The following IL1RAPL1 variants were observed in gnomAD, a reference collection of about 807,000 sequenced individuals.
IL1RAPL1 encodes the protein interleukin 1 receptor accessory protein like 1, also known as interleukin-1 receptor accessory protein-like 1.
A neutral mutation model predicts 48.4 loss-of-function variants in IL1RAPL1; 3 were observed. That is an observed-to-expected ratio of 0.06 (90% confidence interval 0.03 to 0.16). IL1RAPL1 has a LOEUF of 0.16. Among genes scored for constraint, IL1RAPL1 ranks in the 10% least tolerant of loss-of-function variants. The pLI is 1.00. For synonymous variants in IL1RAPL1, 185 were observed against 187.7 expected (o/e 0.99, Z 0.12); for missense variants, 349 against 530.6 (o/e 0.66, Z 3.36).
At chrX:29,705,422 C>T (rs781335916) in intron 6 of IL1RAPL1, among the ~76,000 whole-genome samples, 1 of 111,823 alleles carries the variant, frequency 8.9e-6, no homozygotes, top group South Asian at 3.8e-4. Context: ...ACCATGTTGG[C>T]CAGGCTGGCC....
At chrX:28,966,099 G>A (rs1236406002) in intron 2 of IL1RAPL1, among the ~76,000 whole-genome samples, 1 of 111,528 alleles carries the variant, frequency 9.0e-6, no homozygotes, top group East Asian at 2.8e-4. Flanking sequence ...CCAATTTAGA[G>A]CAAAACAGAA....
intron 6 of IL1RAPL1, among the ~76,000 whole-genome samples, chrX:29,810,418 T>C (rs752972019): frequency 9.0e-6 from 1 of 110,950 alleles, no homozygotes; most frequent in Non-Finnish European, 1.9e-5. Context: ...CTCGAACTCC[T>C]GACCTCGTGA....
chrX:29,247,296 G>A (rs996595649), intron 2 of IL1RAPL1, among the ~76,000 whole-genome samples: 5 of 111,508 alleles, frequency 4.5e-5, no homozygotes, highest in Non-Finnish European at 9.4e-5. Context: ...GTTTTTTATT[G>A]GATACATGTG....
At chrX:29,261,064 A>G (rs1931850046) in intron 2 of IL1RAPL1, among the ~76,000 whole-genome samples, 1 of 109,357 alleles carries the variant, frequency 9.1e-6, no homozygotes, top group Non-Finnish European at 1.9e-5. Context: ...CCTTGCTTTT[A>G]TAGATATTAT....
In IL1RAPL1 at chrX:29,335,193, A is replaced by G. The variant is rs746943199; in HGVS notation, c.362+51976A>G. On this transcript the variant is annotated intron_variant, in intron 3 of 10. Transcript: ENST00000378993. ...CAGGAGAATCAGGCAGGGAGGTTGCAGTGAGCCGAGATGGCAGCAGTACCG... is the reference window on the plus strand; with the variant it reads ...CAGGAGAATCAGGCAGGGAGGTTGCGGTGAGCCGAGATGGCAGCAGTACCG... Among the ~76,000 whole-genome samples the G allele has an allele frequency of 9.5e-5, 10 of 105,785 alleles. No individual in the cohort carries two copies. In the South Asian group the frequency reaches 4.4e-3, roughly 46 times the overall value. The allele number at this position is 105,785 out of a possible 115,157, so 91.9% of individuals were successfully genotyped here.
At chrX:29,919,335 T>C (rs1230032509) in intron 7 of IL1RAPL1, among the ~76,000 whole-genome samples, 1 of 112,285 alleles carries the variant, frequency 8.9e-6, no homozygotes, top group Non-Finnish European at 1.9e-5. Context: ...AGAAAGGTAG[T>C]TTAATTCTGC....
At chrX:29,648,925 AAG>A (rs1275305518) in intron 5 of IL1RAPL1, among the ~76,000 whole-genome samples, 3 of 111,799 alleles carry the variant, frequency 2.7e-5, no homozygotes, top group African/African-American at 6.5e-5. Flanking sequence ...GAGATGAAGA[AAG>A]AGACATTACA....
intron 6 of IL1RAPL1, among the ~76,000 whole-genome samples, chrX:29,885,376 A>G (rs181949220): frequency 8.1e-5 from 9 of 111,492 alleles, no homozygotes; most frequent in South Asian, 3.8e-4. Flanking sequence ...CTGTCTGTCT[A>G]CCCCTTATCA....
chrX:28,714,367 G>T (rs1935478399), intron 1 of IL1RAPL1, among the ~76,000 whole-genome samples: 1 of 111,761 alleles, frequency 8.9e-6, no homozygotes, highest in Non-Finnish European at 1.9e-5. Context: ...AACAGAAGTA[G>T]TCTATCCCCA....
intron 2 of IL1RAPL1, among the ~76,000 whole-genome samples, chrX:29,197,834 G>A (rs912535577): frequency 1.4e-4 from 15 of 107,609 alleles, no homozygotes; most frequent in Non-Finnish European, 2.9e-4. Flanking sequence ...TCAGCCTCCC[G>A]AGTAGCTGGG....
intron 2 of IL1RAPL1, among the ~76,000 whole-genome samples, chrX:28,825,150 T>C (rs1359432038): frequency 8.9e-6 from 1 of 111,981 alleles, no homozygotes; most frequent in Non-Finnish European, 1.9e-5. Flanking sequence ...AGCTCCTTAA[T>C]GGTATTAAAA....
intron 3 of IL1RAPL1, among the ~76,000 whole-genome samples, chrX:29,345,482 G>T (rs1933138945): frequency 9.0e-6 from 1 of 111,562 alleles, no homozygotes; most frequent in Non-Finnish European, 1.9e-5. Flanking sequence ...GTATTGGTTT[G>T]TTTTATTTTT....
At chrX:29,261,558 C>T (rs936584126) in intron 2 of IL1RAPL1, among the ~76,000 whole-genome samples, 10 of 110,812 alleles carry the variant, frequency 9.0e-5, no homozygotes, top group African/African-American at 3.3e-4. Flanking sequence ...TGCCGTTATA[C>T]GCTATCATGT....
chrX:28,730,983 C>G (rs753074843), intron 1 of IL1RAPL1, among the ~76,000 whole-genome samples: 1 of 111,082 alleles, frequency 9.0e-6, no homozygotes, highest in African/African-American at 3.3e-5. Flanking sequence ...AAAATGACAA[C>G]AAGTAGGAAG....
At chrX:29,468,689 T>A (rs1348099623) in intron 5 of IL1RAPL1, among the ~76,000 whole-genome samples, 3 of 112,021 alleles carry the variant, frequency 2.7e-5, no homozygotes, top group African/African-American at 9.7e-5. Flanking sequence ...GGGTGACTTT[T>A]AAAAAATCAA....
intron 5 of IL1RAPL1, among the ~76,000 whole-genome samples, chrX:29,413,212 AT>A (rs1377405247): frequency 8.9e-6 from 1 of 111,813 alleles, no homozygotes; most frequent in Non-Finnish European, 1.9e-5. Flanking sequence ...ATCTTCTGCC[AT>A]GATTTCCCAG....
At chrX:29,399,794 G>A (rs1034173007) in intron 5 of IL1RAPL1, among the ~76,000 whole-genome samples, 1 of 107,056 alleles carries the variant, frequency 9.3e-6, no homozygotes, top group Non-Finnish European at 1.9e-5. Flanking sequence ...ACTCCAGCCT[G>A]GGGGACAAGA....
At chrX:28,730,676 G>T (rs956426188) in intron 1 of IL1RAPL1, among the ~76,000 whole-genome samples, 2 of 111,818 alleles carry the variant, frequency 1.8e-5, no homozygotes, top group African/African-American at 6.5e-5. Flanking sequence ...TTACATTCAT[G>T]CATTAACTTG....
chrX:29,168,378 A>G (rs1239800549), intron 2 of IL1RAPL1, among the ~76,000 whole-genome samples: 1 of 106,137 alleles, frequency 9.4e-6, no homozygotes, highest in Non-Finnish European at 1.9e-5. Flanking sequence ...GCTAACTACT[A>G]TTCTACTCTC....
Sources: allele counts gnomAD v4.1 joint callset (sites outside exome capture counted in the v4.1 genomes callset), GRCh38; gene constraint gnomAD v4.1.1; transcripts MANE v1.5; gene names NCBI Gene and HGNC (gene_info 2026-07-23, HGNC 2026-07-21).